LINGO2: variants seen among roughly 807,000 people sequenced by gnomAD.
LINGO2 encodes leucine rich repeat and Ig domain containing 2, also known as leucine-rich repeat and immunoglobulin-like domain-containing nogo receptor-interacting protein 2.
In LINGO2, 14 loss-of-function variants were observed where a neutral mutation model predicts 30.6. The ratio of observed to expected loss-of-function variants is 0.46; its 90% CI spans 0.30 to 0.72. The LOEUF (loss-of-function observed/expected upper bound fraction) is 0.72, where lower values mean the gene tolerates loss of function less well. Ranked by LOEUF, LINGO2 falls within the 30% of genes least tolerant of loss-of-function variation. The pLI, the probability that LINGO2 is intolerant of heterozygous loss-of-function variation, is 0.07. For missense variants in LINGO2, 729 were observed against 751.7 expected (o/e 0.97, Z 0.35); for synonymous variants, 317 against 288.5 (o/e 1.10, Z -1.00).
At chr9:28,848,303 T>C in the LINGO2 span, among the ~76,000 whole-genome samples, 1 of 131,652 alleles carries the variant, frequency 7.6e-6, no homozygotes, top group Non-Finnish European at 1.6e-5. Flanking sequence ...ATATATACTA[T>C]ATATACGCAT....
intron 2 of LINGO2, among the ~76,000 whole-genome samples, chr9:28,437,810 A>T (rs1824014997): frequency 6.6e-6 from 1 of 152,144 alleles, no homozygotes; most frequent in Non-Finnish European, 1.5e-5. Context: ...TTGGCTCAGA[A>T]GGCCCTTTCA....
chr9:28,247,031 C>T (rs1822027947), intron 4 of LINGO2, among the ~76,000 whole-genome samples: 1 of 152,048 alleles, frequency 6.6e-6, no homozygotes, highest in Non-Finnish European at 1.5e-5. Flanking sequence ...TAGAGAAATG[C>T]AAATCAAAAC....
At chr9:29,017,746 C>T in the LINGO2 span, among the ~76,000 whole-genome samples, 1 of 151,928 alleles carries the variant, frequency 6.6e-6, no homozygotes, top group African/African-American at 2.4e-5. Context: ...AAGTGAGAAC[C>T]CACAGGAGAT....
chr9:28,000,171 T>C lies in LINGO2; in HGVS notation c.-36+12184A>G, dbSNP rs76764333. 5.1e-3 allele frequency among the ~76,000 whole-genome samples: 783 copies of C among 152,264 alleles called. 6 individuals carry two copies. The highest frequency in any genetic ancestry group is 0.018 in the African/African-American group (746 of 41,544). On this transcript the variant is annotated intron_variant, in intron 5 of 5. Transcript: ENST00000379992. ...ACCGAAGAAGCTCTATGGAGGGTATTGTATTAAATTATGAGAGGTGGCAGC... is the reference window on the plus strand; with the variant it reads ...ACCGAAGAAGCTCTATGGAGGGTATCGTATTAAATTATGAGAGGTGGCAGC...
intron 4 of LINGO2, among the ~76,000 whole-genome samples, chr9:28,191,878 T>A (rs994470011): frequency 1.3e-5 from 2 of 152,160 alleles, no homozygotes; most frequent in African/African-American, 4.8e-5. Context: ...CTTATTCTCT[T>A]ACTTGACCAC....
At chr9:27,973,307 A>C (rs1267397299) in intron 5 of LINGO2, among the ~76,000 whole-genome samples, 2 of 152,160 alleles carry the variant, frequency 1.3e-5, no homozygotes, top group Non-Finnish European at 2.9e-5. Flanking sequence ...ATCCTGGAAG[A>C]GTATAACAGG....
chr9:28,951,413 A>C, the LINGO2 span, among the ~76,000 whole-genome samples: 1 of 151,982 alleles, frequency 6.6e-6, no homozygotes, highest in Admixed American at 6.6e-5. Flanking sequence ...GGGGTGAAGA[A>C]AGGGAGAAAG....
chr9:28,871,057 G>A, the LINGO2 span, among the ~76,000 whole-genome samples: 14 of 151,714 alleles, frequency 9.2e-5, no homozygotes, highest in African/African-American at 3.1e-4. Context: ...TTACATTTGA[G>A]TAAAATATAT....
At chr9:27,967,355 G>C (rs1326439601) in intron 5 of LINGO2, among the ~76,000 whole-genome samples, 1 of 151,980 alleles carries the variant, frequency 6.6e-6, no homozygotes, top group East Asian at 1.9e-4. Flanking sequence ...TAATTATAAG[G>C]TTTTCATAAA....
chr9:29,021,543 G>A, the LINGO2 span, among the ~76,000 whole-genome samples: 4 of 152,058 alleles, frequency 2.6e-5, no homozygotes, highest in African/African-American at 9.7e-5. Context: ...TATAATTCCA[G>A]CTACTCAGGA....
chr9:28,691,671 T>A, the LINGO2 span, among the ~76,000 whole-genome samples: 2 of 152,208 alleles, frequency 1.3e-5, no homozygotes, highest in African/African-American at 4.8e-5. Context: ...GAATCTTGGA[T>A]AACTTGTATT....
At chr9:28,845,581 G>C in the LINGO2 span, among the ~76,000 whole-genome samples, 1 of 151,792 alleles carries the variant, frequency 6.6e-6, no homozygotes, top group Admixed American at 6.6e-5. Context: ...GGGAAGTGAA[G>C]AGATAATTAT....
At chr9:28,194,703 A>G (rs1819948328) in intron 4 of LINGO2, among the ~76,000 whole-genome samples, 1 of 152,026 alleles carries the variant, frequency 6.6e-6, no homozygotes, top group African/African-American at 2.4e-5. Flanking sequence ...AAAGAAAGAA[A>G]AAAATAAAAA....
intron 3 of LINGO2, among the ~76,000 whole-genome samples, chr9:28,363,049 T>C (rs1434008880): frequency 6.6e-6 from 1 of 152,132 alleles, no homozygotes; most frequent in Admixed American, 6.5e-5. Context: ...ATAACATCAA[T>C]TGAGTATCTA....
chr9:28,592,139 T>C (rs1053718819), intron 1 of LINGO2, among the ~76,000 whole-genome samples: 1 of 152,134 alleles, frequency 6.6e-6, no homozygotes, highest in Non-Finnish European at 1.5e-5. Context: ...AAAATCATGC[T>C]GTTACATTTA....
rs201000334 is a variant in LINGO2 at position 28,317,158 on chromosome 9, C to T, written c.-245-21792G>A. 5.6e-4 allele frequency among the ~76,000 whole-genome samples: 85 copies of T among 152,254 alleles called. 1 individual carries two copies. In the East Asian group the frequency reaches 0.014, roughly 26 times the overall value. ...TGTGAAACTTTGAGGTCTGAAGATT[C>T]GGCTCAACTATTCTTGAAGCACGAA... On this transcript the variant is annotated intron_variant, in intron 3 of 5. Coordinates refer to ENST00000379992, the Ensembl canonical transcript of LINGO2.
chr9:28,337,058 T>C (rs938681620), intron 3 of LINGO2, among the ~76,000 whole-genome samples: 7 of 149,052 alleles, frequency 4.7e-5, no homozygotes, highest in Non-Finnish European at 1.0e-4. Flanking sequence ...TGAACATATA[T>C]ACTTTCATAT....
chr9:29,129,016 G>C, the LINGO2 span, among the ~76,000 whole-genome samples: 2 of 152,020 alleles, frequency 1.3e-5, no homozygotes, highest in Admixed American at 1.3e-4. Context: ...TTTTTGTCTA[G>C]GTTTAATATT....
At chr9:29,182,617 C>G in the LINGO2 span, among the ~76,000 whole-genome samples, 3 of 151,870 alleles carry the variant, frequency 2.0e-5, no homozygotes, top group South Asian at 2.1e-4. Context: ...GGTGGGCCAA[C>G]AGATTACTCT....
Sources: allele counts gnomAD v4.1 joint callset (sites outside exome capture counted in the v4.1 genomes callset), GRCh38; gene constraint gnomAD v4.1.1; transcripts MANE v1.5; gene names NCBI Gene and HGNC (gene_info 2026-07-23, HGNC 2026-07-21).